KCNN3: variants seen among roughly 807,000 people sequenced by gnomAD.
KCNN3 encodes potassium calcium-activated channel subfamily N member 3.
In KCNN3, 16 loss-of-function variants were observed where a neutral mutation model predicts 62.9. That is an observed-to-expected ratio of 0.25 (90% CI 0.17 to 0.39). The LOEUF is 0.39. Ranked by LOEUF, KCNN3 falls within the 10% of genes least tolerant of loss-of-function variation. The probability of loss-of-function intolerance (pLI) is 1.00; values close to 1 mark genes in which losing one functional copy is unlikely to be tolerated. For missense variants in KCNN3, 599 were observed against 949.4 expected (o/e 0.63, Z 4.85); for synonymous variants, 370 against 389.2 (o/e 0.95, Z 0.58).
intron 3 of KCNN3, among the ~76,000 whole-genome samples, chr1:154,733,919 G>GAA (rs1700653179): frequency 6.6e-6 from 1 of 152,206 alleles, no homozygotes; most frequent in Admixed American, 6.5e-5. Flanking sequence ...TGCCCTCAGG[G>GAA]ACCCAGCCCA....
intron 2 of KCNN3, among the ~76,000 whole-genome samples, chr1:154,779,875 C>T (rs1011438775): frequency 3.3e-5 from 5 of 152,232 alleles, no homozygotes; most frequent in East Asian, 1.9e-4. Context: ...GGGTGTGTCA[C>T]AGGCCCTCTC....
intron 5 of KCNN3, among the ~76,000 whole-genome samples, chr1:154,724,789 AG>A (rs1262427042): frequency 6.6e-6 from 1 of 152,188 alleles, no homozygotes; most frequent in Admixed American, 6.5e-5. Context: ...AAAACCCAAA[AG>A]GGAAAAATTG....
At position 154,809,445 on chromosome 1, in the gene KCNN3, C is replaced by T. The variant is rs1488705793; in HGVS notation, c.1029+12644G>A. Among the ~76,000 whole-genome samples the T allele has an allele frequency of 1.3e-5, 2 of 152,180 alleles. No homozygotes were observed. Among genetic ancestry groups the T allele is most frequent in the Non-Finnish European group, 2.9e-5 (2 of 68,024 alleles). On this transcript the variant is annotated intron_variant, in intron 2 of 7. Coordinates refer to ENST00000271915, the MANE Select transcript of KCNN3 (RefSeq NM_002249.6). The surrounding 1 kb of genome is among the most constrained non-coding windows in gnomAD (Gnocchi z 4.3). The stretch of plus-strand genomic sequence containing the variant: ...AAAACTACAACCTCACAGGAGGCCA[C>T]AAAACTTTTAAGATGAAAAAGATTT...
intron 1 of KCNN3, among the ~76,000 whole-genome samples, chr1:154,867,158 A>G (rs941288387): frequency 6.6e-6 from 1 of 152,144 alleles, no homozygotes; most frequent in Non-Finnish European, 1.5e-5. Context: ...GGAGGACTGG[A>G]GAGAGCCAGG....
intron 3 of KCNN3, among the ~76,000 whole-genome samples, chr1:154,734,215 C>T (rs1049813664): frequency 3.3e-5 from 5 of 152,152 alleles, no homozygotes; most frequent in Admixed American, 6.5e-5. Context: ...TCTTCCAAAC[C>T]GTTCTCTAAT....
intron 2 of KCNN3, among the ~76,000 whole-genome samples, chr1:154,781,754 A>G (rs551976880): frequency 1.3e-5 from 2 of 152,342 alleles, no homozygotes; most frequent in African/African-American, 4.8e-5. Context: ...ATTGAGCATG[A>G]GTTGAGCCCC....
At chr1:154,866,001 A>G (rs949384128) in intron 1 of KCNN3, among the ~76,000 whole-genome samples, 1 of 152,094 alleles carries the variant, frequency 6.6e-6, no homozygotes, top group African/African-American at 2.4e-5. Flanking sequence ...CTCCAGCAAA[A>G]GAGTGTCACC....
chr1:154,743,922 C>T (rs991173658), intron 3 of KCNN3, among the ~76,000 whole-genome samples: 5 of 152,304 alleles, frequency 3.3e-5, no homozygotes, highest in East Asian at 1.9e-4. Context: ...AGTCACGGGA[C>T]ATCTCTACTT....
intron 7 of KCNN3, among the ~76,000 whole-genome samples, chr1:154,709,713 T>G (rs938924775): frequency 6.6e-6 from 1 of 152,214 alleles, no homozygotes. Flanking sequence ...GTGTCGTGGA[T>G]GCCCTTGGAG....
chr1:154,857,977 T>C (rs1652604986), intron 1 of KCNN3, among the ~76,000 whole-genome samples: 1 of 152,196 alleles, frequency 6.6e-6, no homozygotes, highest in African/African-American at 2.4e-5. Flanking sequence ...GCTTTCTTTC[T>C]ATATGATCCC....
chr1:154,783,236 A>G (rs1649136700), intron 2 of KCNN3, among the ~76,000 whole-genome samples: 1 of 152,050 alleles, frequency 6.6e-6, no homozygotes, highest in Admixed American at 6.6e-5. Context: ...GAAAAAAGAA[A>G]AGAAAGAAAA....
intron 2 of KCNN3, among the ~76,000 whole-genome samples, chr1:154,779,311 C>G (rs1446272317): frequency 6.6e-6 from 1 of 152,184 alleles, no homozygotes. Context: ...AGGTCATGTG[C>G]CTACTGTGCC....
At chr1:154,847,497 T>A (rs11808375) in intron 1 of KCNN3, among the ~76,000 whole-genome samples, 221 of 152,336 alleles carry the variant, frequency 1.5e-3, no homozygotes, top group Non-Finnish European at 2.5e-3. Flanking sequence ...GATGCCACAC[T>A]GGGGTTGCCT....
rs1032551066 is a variant in KCNN3, at chr1:154,832,497, G to A, written c.934-10313C>T. Reference sequence around the variant, plus strand: ...TCACCCTCCTAGCGCCTCCCAGAACGCTGGTCAATTTGCCATCACCATGAG... The same window carrying A: ...TCACCCTCCTAGCGCCTCCCAGAACACTGGTCAATTTGCCATCACCATGAG... On this transcript the variant is annotated intron_variant, in intron 1 of 7. Coordinates refer to ENST00000271915, the MANE Select transcript of KCNN3 (RefSeq NM_002249.6). Among the ~76,000 whole-genome samples the A allele has an allele frequency of 2.6e-5, 4 of 152,060 alleles. No homozygotes were observed. The South Asian group carries it at 6.2e-4, about 24-fold the overall frequency.
chr1:154,796,735 G>GT (rs750850880), intron 2 of KCNN3, among the ~76,000 whole-genome samples: 72 of 152,226 alleles, frequency 4.7e-4, no homozygotes, highest in Non-Finnish European at 6.6e-4. Context: ...CGGTCGATGT[G>GT]CACAGCGAAC....
intron 4 of KCNN3, among the ~76,000 whole-genome samples, chr1:154,728,686 G>A (rs1209580140): frequency 1.3e-5 from 2 of 149,298 alleles, no homozygotes; most frequent in African/African-American, 5.2e-5. Flanking sequence ...AGAAGAGAAG[G>A]TGGGTGCAGG....
rs73005409 is a variant in KCNN3, at chr1:154,734,697, C to G, written c.1449-1553G>C. On this transcript the variant is annotated intron_variant, in intron 3 of 7. Coordinates refer to ENST00000271915, the MANE Select transcript of KCNN3 (RefSeq NM_002249.6). Reference sequence around the variant, plus strand: ...GGGACAGGGCCATCAAGTCAGGGAGCAGCAAGAGCATGGTATGACGGATAC... The same window carrying G: ...GGGACAGGGCCATCAAGTCAGGGAGGAGCAAGAGCATGGTATGACGGATAC... Among the ~76,000 whole-genome samples the G allele has an allele frequency of 1.8e-3, 267 of 152,354 alleles. 1 individual carries two copies. The highest frequency in any genetic ancestry group is 6.2e-3 in the African/African-American group (256 of 41,572).
At chr1:154,717,478 A>G (rs1345064621) in intron 5 of KCNN3, among the ~76,000 whole-genome samples, 1 of 152,186 alleles carries the variant, frequency 6.6e-6, no homozygotes, top group Non-Finnish European at 1.5e-5. Flanking sequence ...GAAGGTTTTC[A>G]TGTGGACTGA....
At chr1:154,803,263 G>T (rs755434252) in intron 2 of KCNN3, among the ~76,000 whole-genome samples, 19 of 152,158 alleles carry the variant, frequency 1.2e-4, no homozygotes, top group Non-Finnish European at 1.9e-4. Context: ...CACAGGGATG[G>T]GTTAGCAAGG....
Sources: gnomAD v4.1 joint callset for allele counts (sites outside exome capture counted in the v4.1 genomes callset) on GRCh38, gnomAD v4.1.1 for gene constraint, Gnocchi (gnomAD v3.1) non-coding constraint, MANE v1.5 for transcripts, NCBI Gene and HGNC (gene_info 2026-07-23, HGNC 2026-07-21) for gene names.